EPHA6: variants seen among roughly 807,000 people sequenced by gnomAD.
The protein encoded by EPHA6 is ephrin type-A receptor 6.
A neutral mutation model predicts 112.0 loss-of-function variants in EPHA6; 50 were observed. That is an observed-to-expected ratio of 0.45 (90% CI 0.36 to 0.56). The LOEUF is 0.56. Ranked by LOEUF, EPHA6 falls within the 20% of genes least tolerant of loss-of-function variation. The pLI, the probability that EPHA6 is intolerant of heterozygous loss-of-function variation, is 0.00. For missense variants in EPHA6, 1,280 were observed against 1,417.4 expected (o/e 0.90, Z 1.56); for synonymous variants, 529 against 490.7 (o/e 1.08, Z -1.03).
chr3:97,556,276 G>A (rs1282134718), intron 11 of EPHA6, among the ~76,000 whole-genome samples: 2 of 151,990 alleles, frequency 1.3e-5, no homozygotes, highest in Non-Finnish European at 2.9e-5. Context: ...CTGTGAATAT[G>A]AAAACTTCCT....
At chr3:97,032,524 A>C (rs1050546425) in intron 3 of EPHA6, among the ~76,000 whole-genome samples, 1 of 152,010 alleles carries the variant, frequency 6.6e-6, no homozygotes, top group Non-Finnish European at 1.5e-5. Context: ...ATGAGTCACT[A>C]TCTTAACTGT....
At chr3:97,367,108 C>G (rs1187597950) in intron 5 of EPHA6, among the ~76,000 whole-genome samples, 1 of 152,124 alleles carries the variant, frequency 6.6e-6, no homozygotes, top group Non-Finnish European at 1.5e-5. Context: ...GTGTCTTACT[C>G]CAGGACCCAT....
chr3:97,288,781 AC>A (rs1559854287), intron 5 of EPHA6, among the ~76,000 whole-genome samples: 1 of 149,330 alleles, frequency 6.7e-6, no homozygotes, highest in Admixed American at 7.1e-5. Flanking sequence ...GACTGGTGTA[AC>A]ATAGTATCTC....
At chr3:96,969,152 G>T (rs1255528408) in intron 2 of EPHA6, among the ~76,000 whole-genome samples, 1 of 151,710 alleles carries the variant, frequency 6.6e-6, no homozygotes, top group African/African-American at 2.4e-5. Context: ...CAGCACCATG[G>T]AATTATCATA....
intron 5 of EPHA6, among the ~76,000 whole-genome samples, chr3:97,357,252 G>A (rs532112814): frequency 2.0e-5 from 3 of 152,210 alleles, no homozygotes; most frequent in Admixed American, 2.0e-4. Context: ...TGTCACCTAG[G>A]CTGGATTGCA....
At chr3:97,548,243 A>G (rs2092983533) in intron 11 of EPHA6, among the ~76,000 whole-genome samples, 1 of 152,114 alleles carries the variant, frequency 6.6e-6, no homozygotes, top group South Asian at 2.1e-4. Context: ...TGATTAGATT[A>G]TGGTTATGCA....
At chr3:97,019,497 A>G (rs1054709768) in intron 3 of EPHA6, among the ~76,000 whole-genome samples, 1 of 152,066 alleles carries the variant, frequency 6.6e-6, no homozygotes, top group Non-Finnish European at 1.5e-5. Flanking sequence ...GACTCCAGCT[A>G]TGTTTTCTCA....
chr3:97,570,674 A>T (rs1162723548), intron 11 of EPHA6, among the ~76,000 whole-genome samples: 1 of 152,136 alleles, frequency 6.6e-6, no homozygotes, highest in African/African-American at 2.4e-5. Context: ...GGTTGCAGTA[A>T]GCAGAGATCA....
intron 3 of EPHA6, among the ~76,000 whole-genome samples, chr3:97,142,602 A>T (rs1328649890): frequency 1.3e-5 from 2 of 151,982 alleles, no homozygotes; most frequent in African/African-American, 4.8e-5. Flanking sequence ...ACAACTTCCC[A>T]AGGTTGAACC....
chr3:96,834,600 A>G (rs1307751912), intron 1 of EPHA6, among the ~76,000 whole-genome samples: 1 of 151,872 alleles, frequency 6.6e-6, no homozygotes, highest in Non-Finnish European at 1.5e-5. Context: ...ATTAAAAATG[A>G]GTTAAGGGGA....
At chr3:96,899,138 G>A (rs113657406) in intron 2 of EPHA6, among the ~76,000 whole-genome samples, 14 of 151,216 alleles carry the variant, frequency 9.3e-5, no homozygotes, top group African/African-American at 3.4e-4. Flanking sequence ...AGCTCCCTTT[G>A]AAGGTTTAGG....
chr3:97,235,280 G>A (rs2078647469), intron 4 of EPHA6, among the ~76,000 whole-genome samples: 1 of 152,032 alleles, frequency 6.6e-6, no homozygotes. Context: ...AGAACCTGAT[G>A]AATGAATAAC....
chr3:97,060,901 G>A (rs1169737582), intron 3 of EPHA6, among the ~76,000 whole-genome samples: 1 of 131,714 alleles, frequency 7.6e-6, no homozygotes, highest in Non-Finnish European at 1.5e-5. Flanking sequence ...TCCAGCCTGG[G>A]CGACAGAGCC....
intron 3 of EPHA6, among the ~76,000 whole-genome samples, chr3:97,123,885 TA>T (rs1224316157): frequency 2.0e-5 from 3 of 151,912 alleles, no homozygotes; most frequent in Admixed American, 1.3e-4. Context: ...TTTAGCTGCA[TA>T]CATTGTCACA....
intron 6 of EPHA6, among the ~76,000 whole-genome samples, chr3:97,408,275 G>A (rs113389492): frequency 2.0e-5 from 3 of 152,084 alleles, no homozygotes; most frequent in South Asian, 4.1e-4. Flanking sequence ...GGCCGGGCAC[G>A]GTGGCTCATG....
intron 14 of EPHA6, among the ~76,000 whole-genome samples, chr3:97,640,690 G>A (rs1298948113): frequency 6.6e-6 from 1 of 152,000 alleles, no homozygotes; most frequent in Non-Finnish European, 1.5e-5. Flanking sequence ...TGAGGCAGGA[G>A]AACCGCTTGA....
In EPHA6 at chr3:97,366,357, GT is replaced by G. The variant is rs1214424344; in HGVS notation, c.1607-38792del. On this transcript the variant is annotated intron_variant, in intron 5 of 17. Transcript: ENST00000389672. ...ATCTACTGTATATCAGGCAGCATTT[GT>G]GGTACTGACCACAATGCCCTAAGTC... Among the ~76,000 whole-genome samples, 363 of 152,266 alleles carry G rather than the reference GT, an allele frequency of 2.4e-3. 2 individuals carry two copies. Among genetic ancestry groups the G allele is most frequent in the African/African-American group, 7.7e-3 (322 of 41,556 alleles).
intron 4 of EPHA6, among the ~76,000 whole-genome samples, chr3:97,228,670 G>A (rs558218590): frequency 6.6e-6 from 1 of 151,930 alleles, no homozygotes. Flanking sequence ...TGCAAATTGT[G>A]CTCCTATAAA....
At chr3:97,415,260 T>C (rs2107154431) in intron 6 of EPHA6, among the ~76,000 whole-genome samples, 1 of 152,232 alleles carries the variant, frequency 6.6e-6, no homozygotes, top group Non-Finnish European at 1.5e-5. Context: ...TCTTTTGTTT[T>C]TAACTTGCCA....
Sources: gnomAD v4.1 joint callset for allele counts (sites outside exome capture counted in the v4.1 genomes callset) on GRCh38, gnomAD v4.1.1 for gene constraint, MANE v1.5 for transcripts, NCBI Gene and HGNC (gene_info 2026-07-23, HGNC 2026-07-21) for gene names.